Variants in IL20RA observed in about 807,000 individuals in gnomAD.
The protein encoded by IL20RA is interleukin-20 receptor subunit alpha.
A neutral mutation model predicts 36.5 loss-of-function variants in IL20RA; 29 were observed. The observed-to-expected ratio is 0.79, with a 90% CI of 0.59 to 1.08. The LOEUF (loss-of-function observed/expected upper bound fraction) is 1.08. IL20RA is among the 50% of genes least tolerant of loss of function. The pLI, the probability that IL20RA is intolerant of heterozygous loss-of-function variation, is 0.00. For synonymous variants in IL20RA, 279 were observed against 267.1 expected (o/e 1.04, Z -0.43); for missense variants, 652 against 668.4 (o/e 0.98, Z 0.27).
At position 137,000,575 on chromosome 6, in the gene IL20RA, A is replaced by G. The variant is rs1774998156; in HGVS notation, c.*983T>C. On this transcript the variant is annotated 3_prime_UTR_variant, in exon 7 of 7. Transcript: ENST00000316649. Reference sequence around the variant, plus strand: ...AATTTTAATAAACTCTCCCTTACATAGTCATTTAACTCATTTCTCTTGTAT... The same window carrying G: ...AATTTTAATAAACTCTCCCTTACATGGTCATTTAACTCATTTCTCTTGTAT... The G allele has an allele frequency of 6.6e-6, 1 of 152,194 alleles. No homozygotes were observed. The highest frequency in any genetic ancestry group is 1.5e-5 in the Non-Finnish European group (1 of 68,028). 9.4% of individuals were successfully genotyped at this position (152,194 alleles called of 1,614,324 possible).
intron 5 of IL20RA, among the ~76,000 whole-genome samples, chr6:137,006,024 T>C (rs1775265045): frequency 6.6e-6 from 1 of 152,194 alleles, no homozygotes; most frequent in African/African-American, 2.4e-5. Context: ...CTGATACAGC[T>C]GTAGGAAAAA....
At chr6:137,018,069 T>C (rs1170293970) in intron 1 of IL20RA, among the ~76,000 whole-genome samples, 2 of 152,228 alleles carry the variant, frequency 1.3e-5, no homozygotes, top group Admixed American at 6.5e-5. Context: ...GTCACAAATA[T>C]GCACATTCTA....
At chr6:137,011,481 G>A in intron 2 of IL20RA, 29 bp from the exon 3 acceptor site, 1 of 1,522,420 alleles carries the variant, frequency 6.6e-7, no homozygotes. Context: ...AATTAATAAT[G>A]AGGTGCCCTC....
At chr6:137,035,831 T>C (rs1362048818) in intron 1 of IL20RA, among the ~76,000 whole-genome samples, 1 of 152,192 alleles carries the variant, frequency 6.6e-6, no homozygotes, top group Non-Finnish European at 1.5e-5. Context: ...ATTTAGTAGA[T>C]AATTTATAGA....
At chr6:137,019,421 G>T (rs369452343) in intron 1 of IL20RA, among the ~76,000 whole-genome samples, 1 of 151,932 alleles carries the variant, frequency 6.6e-6, no homozygotes, top group South Asian at 2.1e-4. Context: ...GAGCCACCGC[G>T]CCCAGCCCTA....
At chr6:137,018,189 A>G (rs970911876) in intron 1 of IL20RA, among the ~76,000 whole-genome samples, 5 of 152,238 alleles carry the variant, frequency 3.3e-5, no homozygotes. Flanking sequence ...TAAGGATCAT[A>G]ATTCTTGAGT....
At chr6:137,005,824 T>C (rs1366095090) in intron 5 of IL20RA, among the ~76,000 whole-genome samples, 3 of 152,158 alleles carry the variant, frequency 2.0e-5, no homozygotes, top group South Asian at 4.1e-4. Flanking sequence ...AGTCTACCTT[T>C]GGGTGCGAAC....
In IL20RA at chr6:137,001,881, G is replaced by T; in HGVS notation, c.1339C>A (p.Gln447Lys). Residue 447 changes from glutamine to lysine, a missense_variant, in exon 7 of 7, where the codon CAG becomes AAG. Gln to Lys is a moderately conservative substitution (Grantham distance 53). Coordinates refer to ENST00000316649, the MANE Select transcript of IL20RA (RefSeq NM_014432.4). ...TGGAGCTGAGGGGTGTATGAGTACT[G>T]TAACGTTTGCGGGCCCAAGACTGCC... is the stretch of plus-strand genomic sequence containing the variant. The part of the protein sequence containing the change: ...ALAVLGPQTL[Q>K]YSYTPQLQDL... 2 of 1,613,840 alleles carry T rather than the reference G, an allele frequency of 1.2e-6. No individual in the cohort carries two copies. The highest frequency in any genetic ancestry group is 1.3e-5 in the African/African-American group (1 of 75,040).
At chr6:137,002,867 T>C (rs1404742277) in intron 6 of IL20RA, among the ~76,000 whole-genome samples, 3 of 152,224 alleles carry the variant, frequency 2.0e-5, no homozygotes, top group Non-Finnish European at 2.9e-5. Flanking sequence ...GAGGGAAATA[T>C]ATGAGCAGGG....
intron 1 of IL20RA, among the ~76,000 whole-genome samples, chr6:137,036,272 A>G (rs12526095): frequency 0.068 from 10,332 of 152,286 alleles, 711 homozygotes; most frequent in East Asian, 0.35. Flanking sequence ...TGCCAAGCCC[A>G]TGGATCCTGC....
intron 1 of IL20RA, among the ~76,000 whole-genome samples, chr6:137,029,260 C>A (rs193266602): frequency 3.3e-5 from 5 of 152,150 alleles, no homozygotes; most frequent in East Asian, 3.8e-4. Flanking sequence ...GTAATCCCAG[C>A]GCTTTGGGAG....
At chr6:137,008,864 G>GATT in intron 4 of IL20RA, 121 bp from the exon 5 acceptor site, 2 of 193,228 alleles carry the variant, frequency 1.0e-5, no homozygotes, top group Non-Finnish European at 1.8e-5. Context: ...ATCAGTATAA[G>GATT]CTTTTTTTTT....
chr6:137,029,326 G>A (rs1010419652), intron 1 of IL20RA, among the ~76,000 whole-genome samples: 1 of 152,010 alleles, frequency 6.6e-6, no homozygotes, highest in Non-Finnish European at 1.5e-5. Flanking sequence ...TGACCAATAT[G>A]GTGAAACTCC....
At chr6:137,015,906 C>G (rs1475357152) in intron 2 of IL20RA, among the ~76,000 whole-genome samples, 8 of 152,176 alleles carry the variant, frequency 5.3e-5, no homozygotes, top group Non-Finnish European at 1.2e-4. Context: ...ATCCAGAAGT[C>G]TTGGCCTCCT....
intron 2 of IL20RA, among the ~76,000 whole-genome samples, chr6:137,014,460 AAAG>A (rs1775604324): frequency 6.6e-6 from 1 of 152,170 alleles, no homozygotes; most frequent in Non-Finnish European, 1.5e-5. Flanking sequence ...GGTTTTAATA[AAAG>A]TAGTCAATTC....
chr6:137,030,046 G>C (rs867941819), intron 1 of IL20RA, among the ~76,000 whole-genome samples: 8 of 138,162 alleles, frequency 5.8e-5, no homozygotes, highest in Non-Finnish European at 1.2e-4. Context: ...AAGAATTATG[G>C]TGGAAAATGT....
intron 1 of IL20RA, chr6:137,044,146 G>A (rs1776810912): frequency 2.0e-6 from 2 of 985,662 alleles, no homozygotes; most frequent in African/African-American, 3.5e-5. Flanking sequence ...CCCTTTCGGG[G>A]AGTTTGGCTT....
Position 137,002,113 on chromosome 6 carries a change from A to C in IL20RA, c.1107T>G (p.Ile369Met). The C allele has an allele frequency of 6.2e-7, 1 of 1,614,148 alleles. No individual in the cohort carries two copies. The highest frequency in any genetic ancestry group is 1.3e-5 in the African/African-American group (1 of 75,028). Residue 369 changes from isoleucine (I) to methionine (M), a missense_variant, in exon 7 of 7, where the codon ATT becomes ATG. Transcript: ENST00000316649. ...CCGTGTTTTCTTCAGAGTCACAAAA[A>C]ATTTCCATCAAATGCGAAGCATACC... is the stretch of plus-strand genomic sequence containing the variant. ...HLGYASHLME[I>M]FCDSEENTEG...
intron 2 of IL20RA, among the ~76,000 whole-genome samples, chr6:137,015,100 C>T (rs1301087918): frequency 6.6e-6 from 1 of 152,162 alleles, no homozygotes; most frequent in Non-Finnish European, 1.5e-5. Flanking sequence ...GCTAAAATGG[C>T]CATGAATCAT....
Sources: allele counts gnomAD v4.1 joint callset (sites outside exome capture counted in the v4.1 genomes callset), GRCh38; gene constraint gnomAD v4.1.1; transcripts MANE v1.5; gene names NCBI Gene and HGNC (gene_info 2026-07-23, HGNC 2026-07-21).